The following AK9 variants were observed in gnomAD, a reference collection of about 807,000 sequenced individuals.
The protein encoded by AK9 is adenylate kinase 9.
A neutral mutation model predicts 239.6 loss-of-function variants in AK9; 191 were observed. The observed-to-expected ratio is 0.80, with a 90% CI of 0.71 to 0.90. The LOEUF is 0.90. AK9 is among the 40% of genes least tolerant of loss of function. The pLI is 0.00. For synonymous variants in AK9, 689 were observed against 721.0 expected (o/e 0.96, Z 0.71); for missense variants, 1,995 against 2,214.7 (o/e 0.90, Z 1.99).
intron 25 of AK9, 59 bp downstream of exon 25, chr6:109,550,031 G>T: frequency 6.6e-7 from 1 of 1,518,304 alleles, no homozygotes; most frequent in Non-Finnish European, 9.0e-7. Context: ...ATGGTGATTG[G>T]TAATCAGTCC....
chr6:109,618,807 G>A (rs922127142), intron 13 of AK9, among the ~76,000 whole-genome samples: 18 of 151,906 alleles, frequency 1.2e-4, no homozygotes, highest in Admixed American at 6.6e-5. Flanking sequence ...AGATAAAGGT[G>A]TAAATCCTGA....
At chr6:109,510,580 A>G (rs914041522) in intron 32 of AK9, among the ~76,000 whole-genome samples, 3 of 152,128 alleles carry the variant, frequency 2.0e-5, no homozygotes, top group Admixed American at 6.5e-5. Flanking sequence ...TACCCTCTCC[A>G]GGGCCTCTTC....
intron 29 of AK9, chr6:109,527,730 C>T (rs182806236): frequency 6.6e-6 from 1 of 152,276 alleles, no homozygotes; most frequent in Admixed American, 6.5e-5. Context: ...AACATGAAGT[C>T]TCAGGAGAGC....
intron 19 of AK9, among the ~76,000 whole-genome samples, chr6:109,581,202 G>C (rs911392620): frequency 1.3e-5 from 2 of 151,920 alleles, no homozygotes; most frequent in Non-Finnish European, 2.9e-5. Context: ...ATTGAAATGA[G>C]GCCAATTAAT....
At chr6:109,589,372 C>A (rs1268789179) in intron 17 of AK9, among the ~76,000 whole-genome samples, 1 of 152,080 alleles carries the variant, frequency 6.6e-6, no homozygotes, top group African/African-American at 2.4e-5. Context: ...ATTTTGTTCT[C>A]AGCTTGATTG....
chr6:109,657,134 G>A (rs1004301055), intron 7 of AK9, among the ~76,000 whole-genome samples: 2 of 152,176 alleles, frequency 1.3e-5, no homozygotes, highest in Admixed American at 6.6e-5. Context: ...GTAGGGACGA[G>A]TAGGGGAAGA....
rs894536152 is a variant in AK9, at chr6:109,506,188, G to A, written c.4849+139C>T. The stretch of plus-strand genomic sequence containing the variant: ...TAATTGGATAATACTATTATATATA[G>A]TATTGGATAATAAGTATTGAAATAC... On this transcript the variant is annotated intron_variant, in intron 35 of 40. Transcript: ENST00000424296. The A allele has an allele frequency of 4.2e-6, 3 of 719,364 alleles. No individual in the cohort carries two copies. In the African/African-American group the frequency reaches 5.4e-5, roughly 13 times the overall value. 44.6% of individuals were successfully genotyped at this position (719,364 alleles called of 1,614,324 possible).
At chr6:109,552,450 T>C (rs1784481803) in intron 24 of AK9, among the ~76,000 whole-genome samples, 1 of 152,240 alleles carries the variant, frequency 6.6e-6, no homozygotes, top group Non-Finnish European at 1.5e-5. Flanking sequence ...ATTTCTCTGA[T>C]GATCAGTGAT....
intron 40 of AK9, 45 bp from the exon 41 acceptor site, chr6:109,493,616 T>A: frequency 6.5e-7 from 1 of 1,532,932 alleles, no homozygotes; most frequent in Non-Finnish European, 9.0e-7. Context: ...TGCTAGTTAG[T>A]GAGTCATTAA....
chr6:109,620,542 T>C (rs562044929), intron 12 of AK9, among the ~76,000 whole-genome samples: 15 of 152,210 alleles, frequency 9.9e-5, no homozygotes, highest in African/African-American at 3.4e-4. Flanking sequence ...TAATACAGAA[T>C]ATTGGGATCT....
At chr6:109,687,702 C>T (rs1773709440) in intron 1 of AK9, among the ~76,000 whole-genome samples, 1 of 152,176 alleles carries the variant, frequency 6.6e-6, no homozygotes, top group South Asian at 2.1e-4. Context: ...ACATCTCAGC[C>T]AACACCAGAT....
intron 24 of AK9, among the ~76,000 whole-genome samples, chr6:109,554,729 G>A (rs541083022): frequency 2.6e-5 from 4 of 151,838 alleles, no homozygotes; most frequent in South Asian, 2.1e-4. Context: ...ACAGGGTTTC[G>A]CTATGTTAGC....
intron 12 of AK9, among the ~76,000 whole-genome samples, chr6:109,623,243 C>T (rs1042923381): frequency 2.6e-5 from 4 of 152,108 alleles, no homozygotes; most frequent in Admixed American, 2.0e-4. Context: ...TTTTGACACA[C>T]CTCCCTTCAG....
chr6:109,547,831 C>T (rs1299361641), intron 25 of AK9, among the ~76,000 whole-genome samples: 1 of 116,382 alleles, frequency 8.6e-6, no homozygotes, highest in East Asian at 2.6e-4. Context: ...ATAAAGAACT[C>T]AAACAGCTCA....
chr6:109,555,523 A>G (rs1444608844), intron 24 of AK9, among the ~76,000 whole-genome samples: 2 of 152,228 alleles, frequency 1.3e-5, no homozygotes, highest in Non-Finnish European at 2.9e-5. Flanking sequence ...GATGTCAACT[A>G]GGTCCACTTG....
At chr6:109,567,246 A>T (rs1219616052) in intron 21 of AK9, among the ~76,000 whole-genome samples, 1 of 152,194 alleles carries the variant, frequency 6.6e-6, no homozygotes, top group Non-Finnish European at 1.5e-5. Context: ...GATAAAGGGG[A>T]TATCACCACT....
chr6:109,542,510 G>A (rs1783029744), intron 26 of AK9, among the ~76,000 whole-genome samples: 1 of 152,182 alleles, frequency 6.6e-6, no homozygotes, highest in Non-Finnish European at 1.5e-5. Context: ...TGCTCAAGGT[G>A]ATGGATATCA....
chr6:109,628,849 A>G (rs1411582603), intron 12 of AK9, among the ~76,000 whole-genome samples: 1 of 152,150 alleles, frequency 6.6e-6, no homozygotes. Flanking sequence ...CTAAGTATAC[A>G]GTGCCAGAAA....
chr6:109,603,894 G>A (rs1471946429), intron 17 of AK9, among the ~76,000 whole-genome samples: 1 of 152,200 alleles, frequency 6.6e-6, no homozygotes, highest in Non-Finnish European at 1.5e-5. Context: ...TAATTTCCTG[G>A]TGTGCCATTT....
Sources: gnomAD v4.1 joint callset for allele counts (sites outside exome capture counted in the v4.1 genomes callset) on GRCh38, gnomAD v4.1.1 for gene constraint, MANE v1.5 for transcripts, NCBI Gene and HGNC (gene_info 2026-07-23, HGNC 2026-07-21) for gene names.